The following PAPPA2 variants were observed in gnomAD, a reference collection of about 807,000 sequenced individuals.
The protein encoded by PAPPA2 is pappalysin 2, also known as pappalysin-2.
A neutral mutation model predicts 176.4 loss-of-function variants in PAPPA2; 86 were observed. The observed-to-expected ratio is 0.49, with a 90% CI of 0.41 to 0.58. The LOEUF is 0.58. Ranked by LOEUF, PAPPA2 falls within the 20% of genes least tolerant of loss-of-function variation. The pLI is 0.00. For missense variants in PAPPA2, 2,073 were observed against 2,256.9 expected (o/e 0.92, Z 1.65); for synonymous variants, 809 against 852.2 (o/e 0.95, Z 0.88).
rs573453474 is a variant in PAPPA2 at position 176,738,956 on chromosome 1, G to A, written c.3799-670G>A. Among the ~76,000 whole-genome samples the A allele has an allele frequency of 2.6e-5, 4 of 152,114 alleles. No individual in the cohort carries two copies. The South Asian group carries it at 8.3e-4, about 32-fold the overall frequency. On this transcript the variant is annotated intron_variant, in intron 12 of 22. Transcript: ENST00000367662. ...CTAGGGACATTCCTGAGTGATACAT[G>A]AATTTTCCTGTGTCCCATTGTTGGC...
At chr1:176,625,788 A>G (rs1013261978) in intron 3 of PAPPA2, among the ~76,000 whole-genome samples, 1 of 152,216 alleles carries the variant, frequency 6.6e-6, no homozygotes, top group Non-Finnish European at 1.5e-5. Flanking sequence ...TGGGAGGCCA[A>G]AATGGGAGGA....
chr1:176,608,943 C>A (rs1327737546), intron 3 of PAPPA2, among the ~76,000 whole-genome samples: 1 of 152,022 alleles, frequency 6.6e-6, no homozygotes, highest in African/African-American at 2.4e-5. Flanking sequence ...ATTCTAAATT[C>A]TTTGTACTAG....
chr1:176,491,068 T>C lies in PAPPA2; in HGVS notation c.-917+27650T>C, dbSNP rs114275688. ...GCTTTGCTGCCCAAAGGAGAAAGAA[T>C]GAATCTCTATTTCATAACCTTGTTG... On this transcript the variant is annotated intron_variant, in intron 1 of 22. Coordinates refer to ENST00000367662, the MANE Select transcript of PAPPA2 (RefSeq NM_020318.3). 4.6e-3 allele frequency among the ~76,000 whole-genome samples: 695 copies of C among 152,316 alleles called. 6 individuals carry two copies. Among genetic ancestry groups the C allele is most frequent in the African/African-American group, 0.016 (651 of 41,572 alleles).
At chr1:176,635,165 T>A (rs1388672977) in intron 3 of PAPPA2, among the ~76,000 whole-genome samples, 4 of 152,102 alleles carry the variant, frequency 2.6e-5, no homozygotes, top group African/African-American at 9.7e-5. Flanking sequence ...TTCAGGTTTT[T>A]TTCACCCTGA....
chr1:176,572,715 A>G (rs1179758465), intron 2 of PAPPA2, among the ~76,000 whole-genome samples: 1 of 152,226 alleles, frequency 6.6e-6, no homozygotes, highest in African/African-American at 2.4e-5. Context: ...CTGGACAAAT[A>G]CTAATGCTGT....
intron 7 of PAPPA2, 118 bp from the exon 8 acceptor site, chr1:176,698,982 C>A: frequency 7.5e-7 from 1 of 1,339,272 alleles, no homozygotes; most frequent in Non-Finnish European, 1.0e-6. Flanking sequence ...AGATGACCAA[C>A]TTCTACAGGA....
Position 176,800,136 on chromosome 1 carries a change from A to C in PAPPA2, c.5202+4A>C. ...CCACTGCATCCAGTCATGTGAGGTA[A>C]GATAGCCTCCCCTTCCCCAACTCAG... On this transcript the variant is annotated splice_donor_region_variant and intron_variant, in intron 21 of 22. Transcript: ENST00000367662. The C allele has an allele frequency of 6.2e-7, 1 of 1,613,928 alleles. No individual in the cohort carries two copies.
At chr1:176,563,732 G>A (rs1651798792) in intron 2 of PAPPA2, among the ~76,000 whole-genome samples, 2 of 152,190 alleles carry the variant, frequency 1.3e-5, no homozygotes, top group South Asian at 4.1e-4. Context: ...ACACCTGGCA[G>A]CAGGTGCAAT....
intron 4 of PAPPA2, among the ~76,000 whole-genome samples, chr1:176,680,159 C>T (rs1240650511): frequency 6.6e-6 from 1 of 152,092 alleles, no homozygotes; most frequent in Admixed American, 6.6e-5. Context: ...AATACTTATG[C>T]AATACAGATA....
chr1:176,544,958 T>C (rs557263050), intron 1 of PAPPA2, among the ~76,000 whole-genome samples: 1 of 152,272 alleles, frequency 6.6e-6, no homozygotes, highest in South Asian at 2.1e-4. Flanking sequence ...GGAGCTCCCA[T>C]GTCCTCTCCA....
At position 176,471,808 on chromosome 1, in the gene PAPPA2, G is replaced by A. The variant is rs539593007; in HGVS notation, c.-917+8390G>A. 3.2e-4 allele frequency among the ~76,000 whole-genome samples: 49 copies of A among 152,148 alleles called. No individual in the cohort carries two copies. In the South Asian group the frequency reaches 3.7e-3, roughly 12 times the overall value. ...TTTCTGTACAATGTATTTGTTACTC[G>A]GGGCATTTGACCTGTAGAGTTTCTT... On this transcript the variant is annotated intron_variant, in intron 1 of 22. Transcript: ENST00000367662.
chr1:176,785,571 C>A (rs1664898722), intron 17 of PAPPA2, among the ~76,000 whole-genome samples: 1 of 152,166 alleles, frequency 6.6e-6, no homozygotes. Context: ...GGACTCTCTG[C>A]CAACCCCTCC....
At position 176,603,583 on chromosome 1, in the gene PAPPA2, A is replaced by T. The variant is rs552270274; in HGVS notation, c.1991+7988A>T. 2.6e-5 allele frequency among the ~76,000 whole-genome samples: 4 copies of T among 152,282 alleles called. No homozygotes were observed. The South Asian group carries it at 8.3e-4, about 32-fold the overall frequency. On this transcript the variant is annotated intron_variant, in intron 3 of 22. Transcript: ENST00000367662. ...CCAGAGCGCTGTCCAATGGTTGTGG[A>T]TCTGATTTCCAGAGACAAACACTTA... is the stretch of plus-strand genomic sequence containing the variant.
chr1:176,475,641 G>T (rs1347000885), intron 1 of PAPPA2, among the ~76,000 whole-genome samples: 1 of 152,222 alleles, frequency 6.6e-6, no homozygotes, highest in Non-Finnish European at 1.5e-5. Flanking sequence ...CACCAGACAG[G>T]TTAAATAATT....
At chr1:176,722,128 T>C (rs1661651495) in intron 12 of PAPPA2, among the ~76,000 whole-genome samples, 1 of 152,156 alleles carries the variant, frequency 6.6e-6, no homozygotes, top group South Asian at 2.1e-4. Flanking sequence ...TACAGTCTAT[T>C]TAAAAACATA....
chr1:176,674,116 A>T (rs1659158696), intron 4 of PAPPA2, among the ~76,000 whole-genome samples: 1 of 152,158 alleles, frequency 6.6e-6, no homozygotes, highest in African/African-American at 2.4e-5. Context: ...AAAGCTGAAC[A>T]GTGATTTTAG....
intron 21 of PAPPA2, among the ~76,000 whole-genome samples, chr1:176,830,229 CA>C (rs1465829412): frequency 6.6e-6 from 1 of 152,004 alleles, no homozygotes; most frequent in Non-Finnish European, 1.5e-5. Context: ...TAAAAACAGA[CA>C]AACAAATAGA....
At chr1:176,544,620 A>G (rs968873104) in intron 1 of PAPPA2, among the ~76,000 whole-genome samples, 3 of 152,176 alleles carry the variant, frequency 2.0e-5, no homozygotes, top group Non-Finnish European at 4.4e-5. Flanking sequence ...TGACAACTGG[A>G]TGTCCTACAA....
intron 3 of PAPPA2, among the ~76,000 whole-genome samples, chr1:176,658,728 A>G (rs58090844): frequency 0.071 from 10,731 of 152,144 alleles, 406 homozygotes; most frequent in South Asian, 0.14. Flanking sequence ...AATTCAATCA[A>G]TGCTATAGTG....
Sources: allele counts gnomAD v4.1 joint callset (sites outside exome capture counted in the v4.1 genomes callset), GRCh38; gene constraint gnomAD v4.1.1; transcripts MANE v1.5; gene names NCBI Gene and HGNC (gene_info 2026-07-23, HGNC 2026-07-21).